TBC1D5: variants seen among roughly 807,000 people sequenced by gnomAD.
TBC1D5 encodes TBC1 domain family, member 5.
A neutral mutation model predicts 100.3 loss-of-function variants in TBC1D5; 75 were observed. The ratio of observed to expected loss-of-function variants is 0.75; its 90% CI spans 0.62 to 0.91. The LOEUF (loss-of-function observed/expected upper bound fraction) is 0.91. Among genes scored for constraint, TBC1D5 ranks in the 40% least tolerant of loss-of-function variants. The pLI, the probability that TBC1D5 is intolerant of heterozygous loss-of-function variation, is 0.00. For synonymous variants in TBC1D5, 323 were observed against 325.6 expected (o/e 0.99, Z 0.09); for missense variants, 910 against 942.4 (o/e 0.97, Z 0.45).
At chr3:17,559,783 G>T (rs2096546495) in intron 2 of TBC1D5, among the ~76,000 whole-genome samples, 1 of 151,848 alleles carries the variant, frequency 6.6e-6, no homozygotes, top group Non-Finnish European at 1.5e-5. Flanking sequence ...TACAGACGGG[G>T]TTTCACTATA....
At chr3:17,346,888 C>CA (rs139658640) in intron 13 of TBC1D5, among the ~76,000 whole-genome samples, 71 of 152,200 alleles carry the variant, frequency 4.7e-4, no homozygotes, top group African/African-American at 1.6e-3. Context: ...CACACATAAG[C>CA]ATGGAGACCA....
At chr3:17,259,176 C>A (rs139687887) in intron 15 of TBC1D5, among the ~76,000 whole-genome samples, 1 of 152,020 alleles carries the variant, frequency 6.6e-6, no homozygotes, top group Admixed American at 6.6e-5. Context: ...GAAATATTAC[C>A]AGGATAACCA....
chr3:17,410,289 C>G (rs907429273), intron 4 of TBC1D5, among the ~76,000 whole-genome samples: 2 of 152,036 alleles, frequency 1.3e-5, no homozygotes, highest in Admixed American at 1.3e-4. Context: ...GAAACTATTG[C>G]TCAGGAAAAA....
At chr3:17,246,295 T>C (rs2076732213) in intron 16 of TBC1D5, among the ~76,000 whole-genome samples, 1 of 152,182 alleles carries the variant, frequency 6.6e-6, no homozygotes, top group Non-Finnish European at 1.5e-5. Context: ...AACTAAAGGA[T>C]GAGATAGCCC....
chr3:17,353,135 A>G (rs1421548129), intron 13 of TBC1D5, among the ~76,000 whole-genome samples: 1 of 152,022 alleles, frequency 6.6e-6, no homozygotes, highest in Non-Finnish European at 1.5e-5. Flanking sequence ...GGCACTGATA[A>G]ATGAAGTTAC....
intron 4 of TBC1D5, among the ~76,000 whole-genome samples, chr3:17,408,700 CA>C (rs1358426604): frequency 6.6e-6 from 1 of 152,104 alleles, no homozygotes; most frequent in East Asian, 1.9e-4. Context: ...AAAAGTTTTT[CA>C]TACATTAAAG....
At chr3:17,624,785 G>A (rs1168977367) in intron 1 of TBC1D5, among the ~76,000 whole-genome samples, 1 of 151,978 alleles carries the variant, frequency 6.6e-6, no homozygotes, top group Non-Finnish European at 1.5e-5. Flanking sequence ...AACCACCAAT[G>A]AAAGACCCTG....
At chr3:17,322,305 T>C (rs1043417240) in intron 13 of TBC1D5, among the ~76,000 whole-genome samples, 2 of 152,228 alleles carry the variant, frequency 1.3e-5, no homozygotes, top group South Asian at 4.1e-4. Flanking sequence ...TCTGTTTCCT[T>C]TGCATTAGGA....
chr3:17,529,932 C>G (rs554727445), intron 2 of TBC1D5, among the ~76,000 whole-genome samples: 1 of 152,190 alleles, frequency 6.6e-6, no homozygotes, highest in South Asian at 2.1e-4. Flanking sequence ...TTTAATGAAT[C>G]TGGTTTTATT....
chr3:17,177,710 G>A (rs897974090), intron 19 of TBC1D5, among the ~76,000 whole-genome samples: 1 of 152,156 alleles, frequency 6.6e-6, no homozygotes, highest in African/African-American at 2.4e-5. Flanking sequence ...TACTGCATCG[G>A]AATCCTATTG....
At chr3:17,415,549 G>A (rs1159450372) in intron 4 of TBC1D5, among the ~76,000 whole-genome samples, 1 of 151,766 alleles carries the variant, frequency 6.6e-6, no homozygotes, top group African/African-American at 2.4e-5. Flanking sequence ...TATTAAAGTA[G>A]GTAAACTCAA....
chr3:17,545,518 A>G (rs950847370), intron 2 of TBC1D5, among the ~76,000 whole-genome samples: 3 of 152,222 alleles, frequency 2.0e-5, no homozygotes, highest in Non-Finnish European at 4.4e-5. Context: ...TCCATTTCAA[A>G]GGTGGAATGA....
At chr3:17,243,522 T>C (rs1166494738) in intron 16 of TBC1D5, among the ~76,000 whole-genome samples, 1 of 152,002 alleles carries the variant, frequency 6.6e-6, no homozygotes, top group Non-Finnish European at 1.5e-5. Flanking sequence ...TTAAAAACAG[T>C]AGTAAGAGCA....
intron 15 of TBC1D5, among the ~76,000 whole-genome samples, chr3:17,289,724 C>T (rs2081534630): frequency 1.3e-5 from 2 of 151,770 alleles, no homozygotes; most frequent in African/African-American, 4.8e-5. Context: ...CCAAATATTA[C>T]AAAAGAGAAG....
chr3:17,237,422 A>G (rs2075949310), intron 17 of TBC1D5, among the ~76,000 whole-genome samples: 1 of 152,214 alleles, frequency 6.6e-6, no homozygotes. Flanking sequence ...GGTTCAGAGT[A>G]AGAACCTGAA....
intron 16 of TBC1D5, among the ~76,000 whole-genome samples, chr3:17,253,019 C>G (rs556765570): frequency 6.6e-6 from 1 of 152,240 alleles, no homozygotes; most frequent in East Asian, 1.9e-4. Context: ...GCGTCTGGCA[C>G]TGTGTATAGT....
chr3:17,526,251 C>T (rs73155211), intron 2 of TBC1D5, among the ~76,000 whole-genome samples: 10,514 of 151,986 alleles, frequency 0.069, 715 homozygotes, highest in African/African-American at 0.18. Context: ...AGGGAATCTC[C>T]CTGTTGCATA....
chr3:17,555,309 C>T (rs2096508419), intron 2 of TBC1D5, among the ~76,000 whole-genome samples: 1 of 152,132 alleles, frequency 6.6e-6, no homozygotes, highest in Admixed American at 6.5e-5. Context: ...AACATGTTCC[C>T]AAGGTGGCTG....
chr3:17,265,884 G>A (rs1429932699), intron 15 of TBC1D5, among the ~76,000 whole-genome samples: 1 of 148,482 alleles, frequency 6.7e-6, no homozygotes, highest in Non-Finnish European at 1.5e-5. Context: ...ACTGCCAATT[G>A]CTTTTTTTTT....
Sources: gnomAD v4.1 joint callset for allele counts (sites outside exome capture counted in the v4.1 genomes callset) on GRCh38, gnomAD v4.1.1 for gene constraint, MANE v1.5 for transcripts, NCBI Gene and HGNC (gene_info 2026-07-23, HGNC 2026-07-21) for gene names.